Variants in ROBO2 observed in about 807,000 individuals in gnomAD.
ROBO2 encodes the protein roundabout homolog 2.
In ROBO2, 53 loss-of-function variants were observed where a neutral mutation model predicts 160.8. The ratio of observed to expected loss-of-function variants is 0.33; its 90% CI spans 0.26 to 0.41. The LOEUF (loss-of-function observed/expected upper bound fraction) is 0.41, where lower values mean the gene tolerates loss of function less well. Ranked by LOEUF, ROBO2 falls within the 10% of genes least tolerant of loss-of-function variation. The pLI is 1.00. For synonymous variants in ROBO2, 664 were observed against 611.7 expected, an observed-to-expected ratio of 1.09 and a Z score of -1.26; for missense variants, 1,577 against 1,722.4, an observed-to-expected ratio of 0.92 and a Z score of 1.49.
chr3:76,203,779 C>CT (rs1171315816), intron 2 of ROBO2, among the ~76,000 whole-genome samples: 3 of 149,202 alleles, frequency 2.0e-5, no homozygotes, highest in African/African-American at 7.4e-5. Flanking sequence ...AGCGGCTTCC[C>CT]GGTCAACAGA....
chr3:77,324,517 C>T (rs1159184071), intron 2 of ROBO2, among the ~76,000 whole-genome samples: 3 of 152,230 alleles, frequency 2.0e-5, no homozygotes, highest in East Asian at 1.9e-4. Context: ...CCGTGGCTCA[C>T]GCCTGTAATC....
intron 2 of ROBO2, among the ~76,000 whole-genome samples, chr3:77,178,123 C>G (rs2080334774): frequency 6.6e-6 from 1 of 151,924 alleles, no homozygotes; most frequent in South Asian, 2.1e-4. Context: ...ACAGTAAAGA[C>G]AACATCACAG....
chr3:76,305,426 A>T (rs2071292602), intron 2 of ROBO2, among the ~76,000 whole-genome samples: 1 of 95,856 alleles, frequency 1.0e-5, no homozygotes, highest in Non-Finnish European at 2.3e-5. Flanking sequence ...AAAAAAAAAG[A>T]ACAGCATTTG....
intron 2 of ROBO2, among the ~76,000 whole-genome samples, chr3:77,289,187 G>A (rs536669244): frequency 1.3e-5 from 2 of 152,166 alleles, no homozygotes; most frequent in Admixed American, 1.3e-4. Flanking sequence ...GATGTGAGGG[G>A]AGGTGCTTGA....
intron 6 of ROBO2, among the ~76,000 whole-genome samples, chr3:77,531,402 A>T (rs2091717096): frequency 6.6e-6 from 1 of 150,980 alleles, no homozygotes; most frequent in Non-Finnish European, 1.5e-5. Flanking sequence ...CTACAGGGAC[A>T]TTTTTTTTTT....
intron 2 of ROBO2, among the ~76,000 whole-genome samples, chr3:76,537,233 C>T (rs2082554388): frequency 6.6e-6 from 1 of 151,950 alleles, no homozygotes; most frequent in South Asian, 2.1e-4. Context: ...AGGAAGGGAA[C>T]AAAGTGTAAA....
At position 76,760,640 on chromosome 3, in the gene ROBO2, A is replaced by G. The variant is rs73844043; in HGVS notation, c.110-337374A>G. Among the ~76,000 whole-genome samples the G allele has an allele frequency of 2.1e-3, 316 of 151,720 alleles. 2 individuals are homozygous for G. The highest frequency in any genetic ancestry group is 7.1e-3 in the African/African-American group (296 of 41,444). ...ACCTTTTGCTCTTACACACACACAC[A>G]TTTTATATTTTCTACGCATACGTTG... On this transcript the variant is annotated intron_variant, in intron 2 of 26. Transcript: ENST00000487694.
Position 77,506,932 on chromosome 3 carries a change from A to G in ROBO2, c.806+13550A>G, listed in dbSNP as rs1455641650. Among the ~76,000 whole-genome samples, 3 of 152,158 alleles carry G rather than the reference A, an allele frequency of 2.0e-5. No individual in the cohort carries two copies. The East Asian group carries it at 5.8e-4, about 29-fold the overall frequency. The stretch of plus-strand genomic sequence containing the variant: ...TAATTTGGTTTGATATAGGCATGTC[A>G]TCATTTAACACAAGAAGAGGACCTG... On this transcript the variant is annotated intron_variant, in intron 5 of 25. Coordinates refer to ENST00000461745, the Ensembl canonical transcript of ROBO2.
chr3:76,546,289 G>T (rs1471259671), intron 2 of ROBO2, among the ~76,000 whole-genome samples: 1 of 151,772 alleles, frequency 6.6e-6, no homozygotes, highest in Non-Finnish European at 1.5e-5. Context: ...AAAAATACTG[G>T]TACTGTTTCC....
chr3:77,236,287 A>G (rs2087965517), intron 2 of ROBO2, among the ~76,000 whole-genome samples: 1 of 152,200 alleles, frequency 6.6e-6, no homozygotes, highest in Non-Finnish European at 1.5e-5. Context: ...ATAAGATAAG[A>G]GTTGTAGAGA....
Position 76,217,808 on chromosome 3 carries a change from T to G in ROBO2, c.109+280206T>G, listed in dbSNP as rs1240402891. Among the ~76,000 whole-genome samples, 4 of 152,254 alleles carry G rather than the reference T, an allele frequency of 2.6e-5. No homozygotes were observed. In the South Asian group the frequency reaches 8.3e-4, roughly 32 times the overall value. ...AAAGAGGGAATCCTCCCTACCTCATTTTATGAGGCCAGCATCATCCTGATG... is the reference window on the plus strand; with the variant it reads ...AAAGAGGGAATCCTCCCTACCTCATGTTATGAGGCCAGCATCATCCTGATG... On this transcript the variant is annotated intron_variant, in intron 2 of 26. Coordinates refer to the ROBO2 transcript ENST00000487694.
At chr3:77,520,108 T>C (rs763447673) in intron 5 of ROBO2, among the ~76,000 whole-genome samples, 49 of 151,368 alleles carry the variant, frequency 3.2e-4, no homozygotes, top group Non-Finnish European at 5.8e-4. Context: ...TTGTCTTCTG[T>C]GTAATGAATG....
chr3:75,932,593 T>C (rs1321962030), intron 1 of ROBO2, among the ~76,000 whole-genome samples: 1 of 152,196 alleles, frequency 6.6e-6, no homozygotes, highest in East Asian at 1.9e-4. Context: ...GTTTATGCAC[T>C]ACACTTTGGG....
chr3:76,059,149 C>A (rs2067974566), intron 2 of ROBO2, among the ~76,000 whole-genome samples: 1 of 151,714 alleles, frequency 6.6e-6, no homozygotes, highest in Non-Finnish European at 1.5e-5. Context: ...ATTTATAATC[C>A]TTTGGGTATA....
intron 2 of ROBO2, among the ~76,000 whole-genome samples, chr3:76,899,516 T>G (rs746081829): frequency 2.0e-5 from 3 of 152,192 alleles, no homozygotes; most frequent in Non-Finnish European, 2.9e-5. Context: ...CATTTCCAAG[T>G]CACACTTTTT....
intron 2 of ROBO2, among the ~76,000 whole-genome samples, chr3:77,238,831 G>A (rs2151343553): frequency 6.6e-6 from 1 of 152,234 alleles, no homozygotes; most frequent in Non-Finnish European, 1.5e-5. Flanking sequence ...GCATCATAGT[G>A]ACGTAGATGT....
intron 2 of ROBO2, among the ~76,000 whole-genome samples, chr3:77,325,293 T>G (rs1418816959): frequency 6.6e-6 from 1 of 152,204 alleles, no homozygotes; most frequent in Non-Finnish European, 1.5e-5. Flanking sequence ...GTCAAACAAC[T>G]TTTTGAACTC....
At chr3:76,151,416 C>T (rs777981309) in intron 2 of ROBO2, among the ~76,000 whole-genome samples, 13 of 152,122 alleles carry the variant, frequency 8.5e-5, no homozygotes, top group Admixed American at 3.3e-4. Context: ...TCTCCTTGGG[C>T]GGTCTATTTC....
At chr3:77,102,206 A>G (rs2072050846) in intron 2 of ROBO2, among the ~76,000 whole-genome samples, 1 of 152,186 alleles carries the variant, frequency 6.6e-6, no homozygotes, top group Non-Finnish European at 1.5e-5. Flanking sequence ...CCTAGAATGG[A>G]GCTCTGAATG....
Sources: allele counts gnomAD v4.1 joint callset (sites outside exome capture counted in the v4.1 genomes callset), GRCh38; gene constraint gnomAD v4.1.1; transcripts MANE v1.5; gene names NCBI Gene and HGNC (gene_info 2026-07-23, HGNC 2026-07-21).